The following RFX2 variants were observed in gnomAD, a reference collection of about 807,000 sequenced individuals.
The protein encoded by RFX2 is DNA-binding protein RFX2.
Under a neutral mutation model 87.8 loss-of-function variants are expected in RFX2, and 20 were observed. The ratio of observed to expected loss-of-function variants is 0.23; its 90% confidence interval spans 0.16 to 0.33. RFX2 has a LOEUF of 0.33. Ranked by LOEUF, RFX2 falls within the 10% of genes least tolerant of loss-of-function variation. RFX2 has a pLI of 1.00. For synonymous variants in RFX2, 397 were observed against 431.3 expected (o/e 0.92, Z 0.98); for missense variants, 767 against 1,012.3 (o/e 0.76, Z 3.29).
rs1369746955 is a variant in RFX2, at chr19:6,002,788, A to G, written c.1583T>C (p.Leu528Pro). Reference protein sequence around the residue: ...NHLAQAARAVLQNTSQINQML... With the variant: ...NHLAQAARAVPQNTSQINQML... ...CTGGTTGATCTGGGACGTGTTCTGC[A>G]GCACCGCCCGGGCCGCCTGCGCCAG... is the stretch of plus-strand genomic sequence containing the variant. The change falls in exon 14 of 18, where the codon CTG becomes CCG. Residue 528 changes from leucine (L) to proline (P), a missense_variant. Physicochemically the swap from Leu to Pro is moderately conservative, Grantham distance 98 (BLOSUM62 -3). Coordinates refer to ENST00000303657, the MANE Select transcript of RFX2 (RefSeq NM_000635.4). The surrounding 1 kb of genome is among the most constrained non-coding windows in gnomAD (Gnocchi z 6.7). 5 of 1,613,918 alleles carry G rather than the reference A, an allele frequency of 3.1e-6. No homozygotes were observed. The highest frequency in any genetic ancestry group is 4.2e-6 in the Non-Finnish European group (5 of 1,179,942).
intron 1 of RFX2, among the ~76,000 whole-genome samples, chr19:6,094,831 T>TA (rs1449836685): frequency 6.6e-6 from 1 of 152,218 alleles, no homozygotes; most frequent in Non-Finnish European, 1.5e-5. Flanking sequence ...TTTTACTTTT[T>TA]AAAATGCAGC....
rs769757537 is a variant in RFX2, at chr19:6,002,042, C to G, written c.1651-19G>C. 11 of 1,579,446 alleles carry G rather than the reference C, an allele frequency of 7.0e-6. No homozygotes were observed. In the African/African-American group the frequency reaches 1.3e-4, roughly 19 times the overall value. Reference sequence around the variant, plus strand: ...CCTGCTCCTGTGGGCAGGGCAGAGGCCAGTGTCAGCAATGTGGACCCCCAG... The same window carrying G: ...CCTGCTCCTGTGGGCAGGGCAGAGGGCAGTGTCAGCAATGTGGACCCCCAG... On this transcript the variant is annotated intron_variant, in intron 14 of 17. Coordinates refer to ENST00000303657, the MANE Select transcript of RFX2 (RefSeq NM_000635.4). This position sits in a 1 kb window ranked among gnomAD's most constrained non-coding sequence, Gnocchi z 6.7.
Position 6,004,382 on chromosome 19 carries a change from C to G in RFX2, c.1403-84G>C. ...TCAGCATTCAGTGTAAGAGCTGGCC[C>G]AAGTGCGATGAAAATGACCACCATG... On this transcript the variant is annotated intron_variant, in intron 12 of 17. Coordinates refer to ENST00000303657, the MANE Select transcript of RFX2 (RefSeq NM_000635.4). This position sits in a 1 kb window ranked among gnomAD's most constrained non-coding sequence, Gnocchi z 4.8. 8.8e-7 allele frequency: 1 copy of G among 1,142,398 alleles called. No homozygotes were observed. The highest frequency in any genetic ancestry group is 1.7e-5 in the Admixed American group (1 of 58,306). The allele number at this position is 1,142,398 out of a possible 1,614,324, so 70.8% of individuals were successfully genotyped here. A position where few individuals can be genotyped will look rare whatever the true frequency, so the allele number is the denominator to read the frequency against.
chr19:6,004,910 G>A lies in RFX2; in HGVS notation c.1403-612C>T, dbSNP rs777053903. On this transcript the variant is annotated intron_variant, in intron 12 of 17. Coordinates refer to ENST00000303657, the MANE Select transcript of RFX2 (RefSeq NM_000635.4). The surrounding 1 kb of genome is among the most constrained non-coding windows in gnomAD (Gnocchi z 4.8). Reference sequence around the variant, plus strand: ...GAGGTGGGCGGATCACCTGAGGTCCGGAGTTCGAGACCAGCCTGGCCAACA... The same window carrying A: ...GAGGTGGGCGGATCACCTGAGGTCCAGAGTTCGAGACCAGCCTGGCCAACA... 9.9e-5 allele frequency among the ~76,000 whole-genome samples: 15 copies of A among 152,134 alleles called. No homozygotes were observed. Among genetic ancestry groups the A allele is most frequent in the East Asian group, 5.8e-4 (3 of 5,172 alleles).
intron 13 of RFX2, among the ~76,000 whole-genome samples, chr19:6,003,777 T>TGAAAAAAAAA (rs1318446976): frequency 3.0e-5 from 1 of 32,836 alleles, no homozygotes; most frequent in African/African-American, 1.5e-4. Context: ...AGACTCTGTC[T>TGAAAAAAAAA]CAAAAAAAAA....
chr19:6,096,489 C>T (rs1395826227), intron 1 of RFX2, among the ~76,000 whole-genome samples: 2 of 152,094 alleles, frequency 1.3e-5, no homozygotes, highest in Non-Finnish European at 2.9e-5. Context: ...CTCTGTCTCC[C>T]AGGCTGGAGT....
chr19:6,001,313 G>A lies in RFX2; in HGVS notation c.1859+502C>T, dbSNP rs1197021368. Reference sequence around the variant, plus strand: ...GGTCTTGCTCTGTCACTCAGGCTAGGGTACAGTGGTGCAATCTTGGCTCAC... The same window carrying A: ...GGTCTTGCTCTGTCACTCAGGCTAGAGTACAGTGGTGCAATCTTGGCTCAC... On this transcript the variant is annotated intron_variant, in intron 15 of 17. Transcript: ENST00000303657. The surrounding 1 kb of genome is among the most constrained non-coding windows in gnomAD (Gnocchi z 5.6). Among the ~76,000 whole-genome samples, 1 of 152,100 alleles carries A rather than the reference G, an allele frequency of 6.6e-6. No individual in the cohort carries two copies. The highest frequency in any genetic ancestry group is 1.5e-5 in the Non-Finnish European group (1 of 68,024).
rs1214301869 is a variant in RFX2, at chr19:5,999,571, A to T, written c.1859+2244T>A. 6.6e-6 allele frequency among the ~76,000 whole-genome samples: 1 copy of T among 152,100 alleles called. No individual in the cohort carries two copies. Among genetic ancestry groups the T allele is most frequent in the African/African-American group, 2.4e-5 (1 of 41,414 alleles). On this transcript the variant is annotated intron_variant, in intron 15 of 17. Transcript: ENST00000303657. This position sits in a 1 kb window ranked among gnomAD's most constrained non-coding sequence, Gnocchi z 4.1. ...TTCTGTTATGTGGCAGTGGTGTGCT[A>T]GGTCCATGGCAGAGCCGCATAGTCT...
In RFX2 at chr19:6,013,193, T is replaced by TC; in HGVS notation, c.780-89_780-88insG. On this transcript the variant is annotated intron_variant, in intron 7 of 17. Transcript: ENST00000303657. The surrounding 1 kb of genome is among the most constrained non-coding windows in gnomAD (Gnocchi z 4.1). The stretch of plus-strand genomic sequence containing the variant: ...GGGATTCTTTTTCTTTCTTTCTTCT[T>TC]TTTTTTTTTTGAGACAGAATCTCAT... 8.4e-7 allele frequency: 1 copy of TC among 1,184,676 alleles called. No homozygotes were observed. The highest frequency in any genetic ancestry group is 2.9e-5 in the East Asian group (1 of 34,022). The allele number at this position is 1,184,676 out of a possible 1,614,324, so 73.4% of individuals were successfully genotyped here.
In RFX2 at chr19:6,013,953, T is replaced by C. The variant is rs1228205236; in HGVS notation, c.780-848A>G. 6.6e-6 allele frequency among the ~76,000 whole-genome samples: 1 copy of C among 152,176 alleles called. No homozygotes were observed. Among genetic ancestry groups the C allele is most frequent in the Non-Finnish European group, 1.5e-5 (1 of 68,036 alleles). On this transcript the variant is annotated intron_variant, in intron 7 of 17. Transcript: ENST00000303657. The surrounding 1 kb of genome is among the most constrained non-coding windows in gnomAD (Gnocchi z 4.1). The stretch of plus-strand genomic sequence containing the variant: ...TTATCTCCATTATTATTACCATTAT[T>C]ATTAACAACTCTTCCCCACCCCCTT...
chr19:6,096,399 T>G (rs1187834897), intron 1 of RFX2, among the ~76,000 whole-genome samples: 1 of 152,154 alleles, frequency 6.6e-6, no homozygotes, highest in African/African-American at 2.4e-5. Context: ...TGTATGCTCA[T>G]AGTTGATACT....
chr19:6,058,855 A>G lies in RFX2; in HGVS notation c.-8-11351T>C, dbSNP rs76821752. On this transcript the variant is annotated intron_variant, in intron 1 of 17. Transcript: ENST00000303657. The stretch of plus-strand genomic sequence containing the variant: ...GGGGGATGGGGGAGTGCAGACACCC[A>G]GTAGGCCCTTAAGTCGCAGGTTCTA... Among the ~76,000 whole-genome samples the G allele has an allele frequency of 5.3e-5, 8 of 152,264 alleles. No individual in the cohort carries two copies. The East Asian group carries it at 9.7e-4, about 18-fold the overall frequency.
chr19:6,080,546 G>T (rs562995393), intron 1 of RFX2, among the ~76,000 whole-genome samples: 35 of 152,284 alleles, frequency 2.3e-4, no homozygotes, highest in African/African-American at 8.2e-4. Flanking sequence ...GCCAGGGGTG[G>T]TGGTGGAGAG....
chr19:6,104,541 C>G (rs1267626899), intron 1 of RFX2, among the ~76,000 whole-genome samples: 1 of 150,562 alleles, frequency 6.6e-6, no homozygotes, highest in Non-Finnish European at 1.5e-5. Flanking sequence ...TGCACTCCAG[C>G]CTGGGCAACA....
In RFX2 at chr19:6,026,696, G is replaced by A. The variant is rs374707280; in HGVS notation, c.523-459C>T. The A allele has an allele frequency of 5.3e-5, 10 of 187,134 alleles. No homozygotes were observed. The East Asian group carries it at 8.7e-4, about 16-fold the overall frequency. 11.6% of individuals were successfully genotyped at this position (187,134 alleles called of 1,614,324 possible). A position where few individuals can be genotyped will look rare whatever the true frequency, so the allele number is the denominator to read the frequency against. On this transcript the variant is annotated intron_variant, in intron 5 of 17. Transcript: ENST00000303657. The surrounding 1 kb of genome is among the most constrained non-coding windows in gnomAD (Gnocchi z 4.5). ...GACTCCCCAGCCAGGCTGTCCTGTCGCAAATCCCAGGGTCTCCCCGCTGCT... is the reference window on the plus strand; with the variant it reads ...GACTCCCCAGCCAGGCTGTCCTGTCACAAATCCCAGGGTCTCCCCGCTGCT...
intron 7 of RFX2, among the ~76,000 whole-genome samples, chr19:6,014,307 C>G (rs2144705196): frequency 6.6e-6 from 1 of 152,226 alleles, no homozygotes; most frequent in East Asian, 1.9e-4. Flanking sequence ...GATCTCGGCT[C>G]ACTGCAACCT....
intron 1 of RFX2, among the ~76,000 whole-genome samples, chr19:6,052,406 AAAG>A (rs1187124703): frequency 2.6e-5 from 4 of 152,334 alleles, no homozygotes; most frequent in Middle Eastern, 6.8e-3. Context: ...TAACAAAACT[AAAG>A]GAGGAAATAA....
At position 6,006,997 on chromosome 19, in the gene RFX2, C is replaced by A; in HGVS notation, c.1402+15G>T. 1 of 1,613,256 alleles carries A rather than the reference C, an allele frequency of 6.2e-7. No individual in the cohort carries two copies. Among genetic ancestry groups the A allele is most frequent in the Non-Finnish European group, 8.5e-7 (1 of 1,179,536 alleles). ...GAGGATGGAGCAGCGCCGGGCGGGGCCGTGGGTCACTTACTGGGGACCGGC... is the reference window on the plus strand; with the variant it reads ...GAGGATGGAGCAGCGCCGGGCGGGGACGTGGGTCACTTACTGGGGACCGGC... On this transcript the variant is annotated intron_variant, in intron 12 of 17. Transcript: ENST00000303657.
chr19:6,015,874 AT>A (rs1338545524), intron 7 of RFX2, among the ~76,000 whole-genome samples: 1 of 152,232 alleles, frequency 6.6e-6, no homozygotes, highest in African/African-American at 2.4e-5. Context: ...AACCAGAGTG[AT>A]CCCCACGTCC....
Sources: gnomAD v4.1 joint callset for allele counts (sites outside exome capture counted in the v4.1 genomes callset) on GRCh38, gnomAD v4.1.1 for gene constraint, Gnocchi (gnomAD v3.1) non-coding constraint, MANE v1.5 for transcripts, NCBI Gene and HGNC (gene_info 2026-07-23, HGNC 2026-07-21) for gene names.